Variants in LHX2 observed in about 807,000 individuals in gnomAD.
The protein encoded by LHX2 is LIM homeobox 2.
A neutral mutation model predicts 33.0 loss-of-function variants in LHX2; 6 were observed. The ratio of observed to expected loss-of-function variants is 0.18; its 90% CI spans 0.10 to 0.36. The LOEUF (loss-of-function observed/expected upper bound fraction) is 0.36. LHX2 is among the 10% of genes least tolerant of loss of function. LHX2 has a pLI of 1.00. For synonymous variants in LHX2, 292 were observed against 253.1 expected (o/e 1.15, Z -1.46); for missense variants, 442 against 586.2 (o/e 0.75, Z 2.54).
chr9:124,015,996 C>T lies in LHX2; in HGVS notation c.727+471C>T, dbSNP rs1206877899. 6.6e-6 allele frequency among the ~76,000 whole-genome samples: 1 copy of T among 152,244 alleles called. No homozygotes were observed. The stretch of plus-strand genomic sequence containing the variant: ...AGCTCGGCCTGGAGTGCGGCCTGAC[C>T]TCGTGAAATGTCCCAAGGGCGGCAG... On this transcript the variant is annotated intron_variant, in intron 3 of 4. Transcript: ENST00000373615. The surrounding 1 kb of genome is among the most constrained non-coding windows in gnomAD (Gnocchi z 7.9).
rs1362829033 is a variant in LHX2 at position 124,011,824 on chromosome 9, C to T, written c.-525C>T. The T allele has an allele frequency of 6.5e-6, 1 of 152,698 alleles. No individual in the cohort carries two copies. The highest frequency in any genetic ancestry group is 1.5e-5 in the Non-Finnish European group (1 of 68,126). The allele number at this position is 152,698 out of a possible 1,614,324, so 9.5% of individuals were successfully genotyped here. On this transcript the variant is annotated 5_prime_UTR_variant, in exon 1 of 5. Coordinates refer to ENST00000373615, the MANE Select transcript of LHX2 (RefSeq NM_004789.4). ...GCTTCGGAGAAACCCCTACTCCAGT[C>T]GCCGACTCAGCGCCCAAGAGGGTCG... is the stretch of plus-strand genomic sequence containing the variant.
rs747383764 is a variant in LHX2, at chr9:124,032,563, C to T, written c.1077C>T (p.Ser359=). ...CGGAGCTCTCCAACGCCTCGCTCAG[C>T]CCCTCCAGCACGCCCACCACCCTGA... ...PASELSNASL[S]PSSTPTTLTD... The change falls in exon 5 of 5, where the codon AGC becomes AGT. Residue 359 remains serine (S), a synonymous_variant. Coordinates refer to ENST00000373615, the MANE Select transcript of LHX2 (RefSeq NM_004789.4). The surrounding 1 kb of genome is among the most constrained non-coding windows in gnomAD (Gnocchi z 4.1). 7 of 1,614,034 alleles carry T rather than the reference C, an allele frequency of 4.3e-6. No homozygotes were observed. In the South Asian group the frequency reaches 7.7e-5, roughly 18 times the overall value.
At chr9:124,013,882 G>A in intron 1 of LHX2, 79 bp from the exon 2 acceptor site, 1 of 1,367,316 alleles carries the variant, frequency 7.3e-7, no homozygotes, top group Non-Finnish European at 1.0e-6. Context: ...AGAGGGAGTT[G>A]TGGGTGCCGG....
intron 3 of LHX2, among the ~76,000 whole-genome samples, chr9:124,018,119 T>G (rs1393077512): frequency 6.6e-6 from 1 of 151,922 alleles, no homozygotes; most frequent in Non-Finnish European, 1.5e-5. Context: ...ACCTACAATC[T>G]CGTCTTTAGT....
At chr9:124,022,862 G>A (rs918964889) in intron 4 of LHX2, among the ~76,000 whole-genome samples, 1 of 152,148 alleles carries the variant, frequency 6.6e-6, no homozygotes, top group Non-Finnish European at 1.5e-5. Context: ...AGCGGGCGAG[G>A]GGCTGCGGGA....
Position 124,015,329 on chromosome 9 carries a change from C to T in LHX2, c.531C>T (p.Tyr177=), listed in dbSNP as rs760587428. ...TCGAGGCGCTGCTGCAGGGCGAGTA[C>T]CCCGCACACTTCAACCATGCCGACG... The part of the protein sequence containing the change: ...LHFEALLQGE[Y]PAHFNHADVA... Residue 177 remains tyrosine (Y), a synonymous_variant, in exon 3 of 5, where the codon TAC becomes TAT. Coordinates refer to ENST00000373615, the MANE Select transcript of LHX2 (RefSeq NM_004789.4). The surrounding 1 kb of genome is among the most constrained non-coding windows in gnomAD (Gnocchi z 7.9). 1.2e-6 allele frequency: 2 copies of T among 1,613,776 alleles called. No homozygotes were observed. The highest frequency in any genetic ancestry group is 8.5e-7 in the Non-Finnish European group (1 of 1,180,012).
intron 3 of LHX2, among the ~76,000 whole-genome samples, chr9:124,017,223 G>T (rs1329580545): frequency 6.6e-6 from 1 of 151,714 alleles, no homozygotes. Flanking sequence ...CGTTCTCTCC[G>T]TCCTTTCTCT....
intron 4 of LHX2, among the ~76,000 whole-genome samples, chr9:124,030,574 A>C (rs1445938028): frequency 2.0e-5 from 3 of 148,504 alleles, no homozygotes; most frequent in African/African-American, 7.5e-5. Context: ...GTGCTGTTAG[A>C]TGGGTGGTGG....
At chr9:124,021,413 T>C in intron 4 of LHX2, 109 bp downstream of exon 4, 1 of 866,526 alleles carries the variant, frequency 1.2e-6, no homozygotes, top group Admixed American at 2.5e-5. Flanking sequence ...TGTCTGCTTC[T>C]CTGTGTGTTT....
chr9:124,014,151 A>G lies in LHX2; in HGVS notation c.311A>G (p.Glu104Gly), dbSNP rs1419909165. 2 of 1,613,078 alleles carry G rather than the reference A, an allele frequency of 1.2e-6. No homozygotes were observed. The highest frequency in any genetic ancestry group is 2.2e-5 in the South Asian group (2 of 91,070). The change falls in exon 2 of 5, where the codon GAA becomes GGA. Residue 104 changes from glutamate (E) to glycine (G), a missense_variant. This residue lies in a region of LHX2 where 72 missense variants were observed against 171.6 expected (regional missense o/e 0.42). Coordinates refer to ENST00000373615, the MANE Select transcript of LHX2 (RefSeq NM_004789.4). This position sits in a 1 kb window ranked among gnomAD's most constrained non-coding sequence, Gnocchi z 4.8. ...AAGGACGGTAGCATCTACTGCAAGG[A>G]AGACTACTACAGGTAGCCCCCCCAC... Reference protein sequence around the residue: ...FSKDGSIYCKEDYYRRFSVQR... With the variant: ...FSKDGSIYCKGDYYRRFSVQR...
chr9:124,027,967 G>A (rs1588352071), intron 4 of LHX2, among the ~76,000 whole-genome samples: 1 of 152,246 alleles, frequency 6.6e-6, no homozygotes, highest in East Asian at 1.9e-4. Context: ...GCATCGTGGA[G>A]TGGCTGTGTC....
At chr9:124,021,824 T>C (rs1176229105) in intron 4 of LHX2, 1 of 155,200 alleles carries the variant, frequency 6.4e-6, no homozygotes, top group Non-Finnish European at 1.4e-5. Flanking sequence ...TTCAGGCATC[T>C]CTCTAGATTT....
Position 124,016,661 on chromosome 9 carries a change from T to C in LHX2, c.727+1136T>C, listed in dbSNP as rs1490363769. ...AGAGAGGGAAATGAGGGGCGGGTGT[T>C]CGCTCCAACGAAATCGCTTGGAGGA... On this transcript the variant is annotated intron_variant, in intron 3 of 4. Coordinates refer to ENST00000373615, the MANE Select transcript of LHX2 (RefSeq NM_004789.4). This position sits in a 1 kb window ranked among gnomAD's most constrained non-coding sequence, Gnocchi z 4.4. 6.6e-6 allele frequency among the ~76,000 whole-genome samples: 1 copy of C among 152,158 alleles called. No homozygotes were observed. The highest frequency in any genetic ancestry group is 1.9e-4 in the East Asian group (1 of 5,196).
chr9:124,017,745 G>T (rs920803107), intron 3 of LHX2, among the ~76,000 whole-genome samples: 20 of 151,806 alleles, frequency 1.3e-4, no homozygotes, highest in Admixed American at 1.3e-3. Flanking sequence ...AGTGGGGAGG[G>T]GGCGCCGTCG....
intron 3 of LHX2, among the ~76,000 whole-genome samples, chr9:124,017,323 C>T (rs2118755745): frequency 6.6e-6 from 1 of 152,316 alleles, no homozygotes; most frequent in African/African-American, 2.4e-5. Context: ...AAACGGCGTT[C>T]GGTGCGCCGG....
In LHX2 at chr9:124,014,169, C is replaced by A; in HGVS notation, c.323+6C>A. On this transcript the variant is annotated splice_donor_region_variant and intron_variant, in intron 2 of 4. Coordinates refer to ENST00000373615, the MANE Select transcript of LHX2 (RefSeq NM_004789.4). The surrounding 1 kb of genome is among the most constrained non-coding windows in gnomAD (Gnocchi z 4.8). ...TGCAAGGAAGACTACTACAGGTAGC[C>A]CCCCCACCCAACTGCCCCTCAGGAC... 9 of 1,373,820 alleles carry A rather than the reference C, an allele frequency of 6.6e-6. No homozygotes were observed. The highest frequency in any genetic ancestry group is 8.7e-6 in the Non-Finnish European group (9 of 1,028,984). The allele number at this position is 1,373,820 out of a possible 1,614,324, so 85.1% of individuals were successfully genotyped here.
Position 124,032,327 on chromosome 9 carries a change from C to G in LHX2, c.934-93C>G. 7.2e-7 allele frequency: 1 copy of G among 1,387,952 alleles called. No homozygotes were observed. Among genetic ancestry groups the G allele is most frequent in the Non-Finnish European group, 9.6e-7 (1 of 1,040,696 alleles). 86.0% of individuals were successfully genotyped at this position (1,387,952 alleles called of 1,614,324 possible). On this transcript the variant is annotated intron_variant, in intron 4 of 4. Coordinates refer to ENST00000373615, the MANE Select transcript of LHX2 (RefSeq NM_004789.4). The surrounding 1 kb of genome is among the most constrained non-coding windows in gnomAD (Gnocchi z 4.1). ...ATCCTCTTGGCAAAACACAGATCAGCGTCCCCAGAGGCAGCAGAGCTCTGA... is the reference window on the plus strand; with the variant it reads ...ATCCTCTTGGCAAAACACAGATCAGGGTCCCCAGAGGCAGCAGAGCTCTGA...
chr9:124,019,982 G>A (rs754340349), intron 3 of LHX2, among the ~76,000 whole-genome samples: 5 of 152,178 alleles, frequency 3.3e-5, no homozygotes, highest in African/African-American at 9.7e-5. Flanking sequence ...CATTGGCAGC[G>A]TGGCCCCCAT....
chr9:124,014,226 G>A lies in LHX2; in HGVS notation c.323+63G>A, dbSNP rs545927493. The A allele has an allele frequency of 1.9e-5, 23 of 1,207,680 alleles. No homozygotes were observed. The South Asian group carries it at 2.6e-4, about 14-fold the overall frequency. 74.8% of individuals were successfully genotyped at this position (1,207,680 alleles called of 1,614,324 possible). ...CCCCAATCTCAGGCACAGTCTTACA[G>A]TTTGGCCCTCTCCTTTCCGTTTAGT... On this transcript the variant is annotated intron_variant, in intron 2 of 4. Coordinates refer to ENST00000373615, the MANE Select transcript of LHX2 (RefSeq NM_004789.4). This position sits in a 1 kb window ranked among gnomAD's most constrained non-coding sequence, Gnocchi z 4.8.
Sources: gnomAD v4.1 joint callset for allele counts (sites outside exome capture counted in the v4.1 genomes callset) on GRCh38, gnomAD v4.1.1 for gene constraint, gnomAD v4.1.1 regional missense constraint, Gnocchi (gnomAD v3.1) non-coding constraint, MANE v1.5 for transcripts, NCBI Gene and HGNC (gene_info 2026-07-23, HGNC 2026-07-21) for gene names.